The following MYT1L variants were observed in gnomAD, a reference collection of about 807,000 sequenced individuals.
The protein encoded by MYT1L is myelin transcription factor 1-like protein.
MYT1L carries 12 observed loss-of-function variants against 126.7 expected under a neutral mutation model. The observed-to-expected ratio is 0.09, with a 90% CI of 0.06 to 0.15. The LOEUF (loss-of-function observed/expected upper bound fraction) is 0.15, where lower values mean the gene tolerates loss of function less well. Ranked by LOEUF, MYT1L falls within the 10% of genes least tolerant of loss-of-function variation. The pLI, the probability that MYT1L is intolerant of heterozygous loss-of-function variation, is 1.00. For synonymous variants in MYT1L, 541 were observed against 604.2 expected, an observed-to-expected ratio of 0.90 and a Z score of 1.53; for missense variants, 979 against 1,585.2, an observed-to-expected ratio of 0.62 and a Z score of 6.49.
chr2:2,101,619 A>T (rs1433754647), intron 3 of MYT1L, among the ~76,000 whole-genome samples: 1 of 151,808 alleles, frequency 6.6e-6, no homozygotes, highest in Admixed American at 6.6e-5. Context: ...CTACCCATCC[A>T]TCAAATCATC....
intron 8 of MYT1L, among the ~76,000 whole-genome samples, chr2:1,955,282 G>A (rs73188447): frequency 0.049 from 7,513 of 151,922 alleles, 561 homozygotes; most frequent in African/African-American, 0.16. Flanking sequence ...GATGTGGTTG[G>A]TAAGAAATTA....
intron 18 of MYT1L, among the ~76,000 whole-genome samples, chr2:1,855,909 T>G (rs185079116): frequency 4.4e-4 from 67 of 152,116 alleles, no homozygotes; most frequent in Middle Eastern, 3.4e-3. Context: ...TAACTTTTGG[T>G]TGTACATATT....
At chr2:2,177,032 C>G (rs1042985235) in intron 2 of MYT1L, among the ~76,000 whole-genome samples, 1 of 152,132 alleles carries the variant, frequency 6.6e-6, no homozygotes, top group Non-Finnish European at 1.5e-5. Flanking sequence ...GGTTTGTTTC[C>G]CACTGTGGCT....
chr2:2,178,812 A>G (rs1269056105), intron 2 of MYT1L, among the ~76,000 whole-genome samples: 2 of 152,168 alleles, frequency 1.3e-5, no homozygotes, highest in Non-Finnish European at 2.9e-5. Flanking sequence ...TACAGGGTCA[A>G]AAGAGAAGTG....
At chr2:2,212,277 C>T (rs1319163936) in intron 2 of MYT1L, among the ~76,000 whole-genome samples, 2 of 146,586 alleles carry the variant, frequency 1.4e-5, no homozygotes, top group Admixed American at 6.7e-5. Flanking sequence ...ATTCAAACTC[C>T]CCCAGGATGA....
chr2:2,060,754 C>A (rs981858350), intron 3 of MYT1L, among the ~76,000 whole-genome samples: 2 of 136,084 alleles, frequency 1.5e-5, no homozygotes, highest in African/African-American at 2.7e-5. Flanking sequence ...CATCTTTGCC[C>A]ACTTCCTCTC....
chr2:1,931,713 C>T (rs540884715), intron 9 of MYT1L, among the ~76,000 whole-genome samples: 2 of 152,166 alleles, frequency 1.3e-5, no homozygotes, highest in African/African-American at 4.8e-5. Flanking sequence ...AATGTCTGTG[C>T]GTTGAGGAGC....
chr2:1,884,384 T>C (rs1327566877), intron 18 of MYT1L, among the ~76,000 whole-genome samples: 1 of 152,224 alleles, frequency 6.6e-6, no homozygotes, highest in Non-Finnish European at 1.5e-5. Flanking sequence ...CTAAAGAAAG[T>C]TGTTGCGAGT....
chr2:1,860,655 G>T (rs1196758000), intron 18 of MYT1L, among the ~76,000 whole-genome samples: 2 of 152,206 alleles, frequency 1.3e-5, no homozygotes, highest in African/African-American at 4.8e-5. Context: ...TCCGGGATGA[G>T]ATGTGTAAGA....
chr2:1,855,339 A>G (rs1220576816), intron 18 of MYT1L, among the ~76,000 whole-genome samples: 1 of 152,190 alleles, frequency 6.6e-6, no homozygotes, highest in East Asian at 1.9e-4. Context: ...TGCCTTTTCC[A>G]CGAAGGAAGC....
intron 15 of MYT1L, among the ~76,000 whole-genome samples, chr2:1,891,144 A>G (rs902723331): frequency 6.6e-6 from 1 of 152,182 alleles, no homozygotes; most frequent in African/African-American, 2.4e-5. Flanking sequence ...AGAAAAAAAC[A>G]TTTGCAAAAC....
At chr2:1,966,375 G>T (rs865786932) in intron 8 of MYT1L, among the ~76,000 whole-genome samples, 3 of 152,206 alleles carry the variant, frequency 2.0e-5, no homozygotes, top group South Asian at 2.1e-4. Context: ...TTTTGAATAA[G>T]AAGGAAGCAA....
intron 2 of MYT1L, among the ~76,000 whole-genome samples, chr2:2,245,559 G>T (rs745818629): frequency 5.3e-5 from 8 of 151,918 alleles, no homozygotes; most frequent in Non-Finnish European, 8.8e-5. Flanking sequence ...TAGCAGAGAG[G>T]TGACAGTGAC....
intron 4 of MYT1L, among the ~76,000 whole-genome samples, chr2:2,033,978 G>A (rs2066715608): frequency 6.6e-6 from 1 of 152,158 alleles, no homozygotes; most frequent in Non-Finnish European, 1.5e-5. Context: ...ACAAATAAAT[G>A]CACTTGAATT....
intron 3 of MYT1L, among the ~76,000 whole-genome samples, chr2:2,127,373 TA>T (rs1458826276): frequency 6.6e-6 from 1 of 152,194 alleles, no homozygotes; most frequent in Non-Finnish European, 1.5e-5. Flanking sequence ...TTTATTTAAA[TA>T]CAAACAAAAG....
At chr2:1,990,654 C>T (rs2061384199) in intron 5 of MYT1L, among the ~76,000 whole-genome samples, 1 of 152,164 alleles carries the variant, frequency 6.6e-6, no homozygotes, top group Non-Finnish European at 1.5e-5. Context: ...TGGGCAACAG[C>T]ACCCACATAT....
intron 8 of MYT1L, among the ~76,000 whole-genome samples, chr2:1,970,640 C>T (rs1057260014): frequency 3.3e-5 from 5 of 152,260 alleles, no homozygotes; most frequent in South Asian, 2.1e-4. Flanking sequence ...CGGGGAATTG[C>T]ACAGCTGGGC....
intron 4 of MYT1L, among the ~76,000 whole-genome samples, chr2:2,039,430 T>C (rs2067262896): frequency 6.6e-6 from 1 of 152,084 alleles, no homozygotes; most frequent in African/African-American, 2.4e-5. Context: ...CATATGACCT[T>C]GATGTATGTA....
intron 2 of MYT1L, among the ~76,000 whole-genome samples, chr2:2,277,214 T>G (rs2095374641): frequency 6.6e-6 from 1 of 152,094 alleles, no homozygotes; most frequent in Admixed American, 6.5e-5. Context: ...TCGTGATCCA[T>G]CTGCCTCGGC....
Sources: gnomAD v4.1 joint callset for allele counts (sites outside exome capture counted in the v4.1 genomes callset) on GRCh38, gnomAD v4.1.1 for gene constraint, MANE v1.5 for transcripts, NCBI Gene and HGNC (gene_info 2026-07-23, HGNC 2026-07-21) for gene names.